The following GLCCI1 variants were observed in gnomAD, a reference collection of about 807,000 sequenced individuals.
GLCCI1 encodes glucocorticoid induced 1, also known as glucocorticoid-induced transcript 1 protein.
A neutral mutation model predicts 52.2 loss-of-function variants in GLCCI1; 24 were observed. The observed-to-expected ratio is 0.46, with a 90% confidence interval of 0.33 to 0.65. GLCCI1 has a LOEUF of 0.65. Among genes scored for constraint, GLCCI1 ranks in the 30% least tolerant of loss-of-function variants. GLCCI1 has a pLI of 0.02. For missense variants in GLCCI1, 704 were observed against 701.5 expected (o/e 1.00, Z -0.04); for synonymous variants, 310 against 276.5 (o/e 1.12, Z -1.20).
chr7:8,012,320 G>C (rs1781280003), intron 2 of GLCCI1, among the ~76,000 whole-genome samples: 1 of 150,976 alleles, frequency 6.6e-6, no homozygotes, highest in Non-Finnish European at 1.5e-5. Flanking sequence ...TTTTTGAATT[G>C]GGTTTTTTGT....
rs1562449924 is a variant in GLCCI1, at chr7:8,070,914, C to CT, written c.967-5dup. ...CATTTGGATGTTTAATGGTATTCCTCTTACAGCCGTTGGACATACCAGATG... is the reference window on the plus strand; with the variant it reads ...CATTTGGATGTTTAATGGTATTCCTCTTTACAGCCGTTGGACATACCAGATG... On this transcript the variant is annotated splice_polypyrimidine_tract_variant and splice_region_variant and intron_variant, in intron 5 of 7. Coordinates refer to ENST00000223145, the MANE Select transcript of GLCCI1 (RefSeq NM_138426.4). 4 of 1,612,258 alleles carry CT rather than the reference C, an allele frequency of 2.5e-6. No individual in the cohort carries two copies. In the South Asian group the frequency reaches 4.4e-5, roughly 18 times the overall value.
chr7:8,087,399 A>G lies in GLCCI1; in HGVS notation c.*861A>G, dbSNP rs894118623. On this transcript the variant is annotated 3_prime_UTR_variant, in exon 8 of 8. Coordinates refer to ENST00000223145, the MANE Select transcript of GLCCI1 (RefSeq NM_138426.4). ...TGTTGCTCAGTAAAGGACTGTGACA[A>G]TGTTGCAAATAAAGTGTTCAGTACT... 9.2e-5 allele frequency: 14 copies of G among 152,660 alleles called. No individual in the cohort carries two copies. The highest frequency in any genetic ancestry group is 8.5e-4 in the Admixed American group (13 of 15,284). 9.5% of individuals were successfully genotyped at this position (152,660 alleles called of 1,614,324 possible).
At chr7:7,973,413 C>CGTGCGT (rs1554257313) in intron 1 of GLCCI1, among the ~76,000 whole-genome samples, 1 of 147,590 alleles carries the variant, frequency 6.8e-6, no homozygotes, top group African/African-American at 2.5e-5. Flanking sequence ...TCTTTGTGTG[C>CGTGCGT]GTGTGTGTGT....
chr7:7,974,780 A>G (rs888071908), intron 1 of GLCCI1, among the ~76,000 whole-genome samples: 2 of 152,136 alleles, frequency 1.3e-5, no homozygotes, highest in Non-Finnish European at 2.9e-5. Flanking sequence ...TCTTAATTTT[A>G]GTTTGGTCTT....
intron 2 of GLCCI1, among the ~76,000 whole-genome samples, chr7:8,021,381 A>C (rs1407336512): frequency 1.3e-5 from 2 of 152,182 alleles, no homozygotes; most frequent in African/African-American, 2.4e-5. Flanking sequence ...AAGTCTTCTC[A>C]TGTATTAAAG....
At chr7:7,981,858 G>T in intron 1 of GLCCI1, 1 of 445,288 alleles carries the variant, frequency 2.2e-6, no homozygotes, top group South Asian at 1.6e-5. Context: ...TGTACTAGAT[G>T]AGCAGGCAGA....
chr7:8,057,208 T>C (rs942303003), intron 4 of GLCCI1, among the ~76,000 whole-genome samples: 7 of 151,900 alleles, frequency 4.6e-5, no homozygotes, highest in Non-Finnish European at 8.8e-5. Context: ...TATCAATCCA[T>C]GAGAAATAAA....
At position 8,059,952 on chromosome 7, in the gene GLCCI1, A is replaced by G. The variant is rs111882475; in HGVS notation, c.814-144A>G. ...TTCTTACTTCAGAACCTAAATTTCT[A>G]TATGTGCACCTGAATTTTATTGTAT... On this transcript the variant is annotated intron_variant, in intron 4 of 7. Coordinates refer to ENST00000223145, the MANE Select transcript of GLCCI1 (RefSeq NM_138426.4). 1.3e-4 allele frequency: 81 copies of G among 631,912 alleles called. 1 individual carries two copies. Among genetic ancestry groups the G allele is most frequent in the African/African-American group, 5.6e-4 (30 of 53,670 alleles). The allele number at this position is 631,912 out of a possible 1,614,324, so 39.1% of individuals were successfully genotyped here. A position where few individuals can be genotyped will look rare whatever the true frequency, so the allele number is the denominator to read the frequency against.
intron 1 of GLCCI1, among the ~76,000 whole-genome samples, chr7:7,986,864 C>A (rs1780744505): frequency 6.6e-6 from 1 of 152,156 alleles, no homozygotes. Flanking sequence ...TCTCCTCACT[C>A]ATTTCTCCCA....
chr7:8,028,363 A>C (rs765888283), intron 3 of GLCCI1, among the ~76,000 whole-genome samples: 1 of 152,198 alleles, frequency 6.6e-6, no homozygotes, highest in African/African-American at 2.4e-5. Flanking sequence ...TAAATGACCA[A>C]TGAGTCAATG....
chr7:7,985,829 A>G (rs537773186), intron 1 of GLCCI1, among the ~76,000 whole-genome samples: 2 of 152,340 alleles, frequency 1.3e-5, no homozygotes, highest in South Asian at 4.1e-4. Flanking sequence ...TTCTTAACAA[A>G]TGTATCAATT....
chr7:7,987,536 T>A (rs1458554190), intron 1 of GLCCI1, among the ~76,000 whole-genome samples: 1 of 152,086 alleles, frequency 6.6e-6, no homozygotes, highest in Non-Finnish European at 1.5e-5. Context: ...TCTATTTCAC[T>A]CTAACAAATT....
At chr7:8,058,836 G>C (rs372547820) in intron 4 of GLCCI1, among the ~76,000 whole-genome samples, 1 of 152,210 alleles carries the variant, frequency 6.6e-6, no homozygotes, top group Middle Eastern at 3.4e-3. Context: ...TACTAACAGC[G>C]TACTGTTGCA....
chr7:8,016,340 G>A (rs1309301658), intron 2 of GLCCI1, among the ~76,000 whole-genome samples: 3 of 151,920 alleles, frequency 2.0e-5, no homozygotes, highest in Non-Finnish European at 4.4e-5. Context: ...GTGGTGGTGG[G>A]CGCCTGTAGT....
chr7:8,017,987 A>C (rs115730880), intron 2 of GLCCI1, among the ~76,000 whole-genome samples: 3,159 of 152,292 alleles, frequency 0.021, 111 homozygotes, highest in African/African-American at 0.071. Context: ...ACAAAAACAA[A>C]TATTTGTAAA....
chr7:8,056,572 A>C (rs1396826529), intron 4 of GLCCI1, among the ~76,000 whole-genome samples: 1 of 152,218 alleles, frequency 6.6e-6, no homozygotes, highest in African/African-American at 2.4e-5. Context: ...AGTGTAACAG[A>C]AGAAACCCAA....
rs71014746 is a variant in GLCCI1, at chr7:8,012,432, C to CT, written c.609+8403dup. Among the ~76,000 whole-genome samples the CT allele has an allele frequency of 4.1e-3, 287 of 70,380 alleles. 27 individuals carry two copies. Among genetic ancestry groups the CT allele is most frequent in the Non-Finnish European group, 6.2e-3 (246 of 39,556 alleles). 46.2% of individuals were successfully genotyped at this position (70,380 alleles called of 152,430 possible). On this transcript the variant is annotated intron_variant, in intron 2 of 7. Transcript: ENST00000223145. Reference sequence around the variant, plus strand: ...CCATTCTGTGGGTTGCCTTTTTATTCTTTTTTTTTTTTTTTTTTTTTTTTT... The same window carrying CT: ...CCATTCTGTGGGTTGCCTTTTTATTCTTTTTTTTTTTTTTTTTTTTTTTTTT...
At chr7:7,979,204 G>A (rs185087484) in intron 1 of GLCCI1, among the ~76,000 whole-genome samples, 9 of 152,134 alleles carry the variant, frequency 5.9e-5, no homozygotes, top group Non-Finnish European at 1.3e-4. Flanking sequence ...GCAATATTTC[G>A]ATCATAGAGC....
chr7:7,986,076 G>C (rs1780722040), intron 1 of GLCCI1, among the ~76,000 whole-genome samples: 1 of 152,030 alleles, frequency 6.6e-6, no homozygotes. Context: ...TGGATATTTT[G>C]CTCATGGTTT....
Sources: gnomAD v4.1 joint callset for allele counts (sites outside exome capture counted in the v4.1 genomes callset) on GRCh38, gnomAD v4.1.1 for gene constraint, MANE v1.5 for transcripts, NCBI Gene and HGNC (gene_info 2026-07-23, HGNC 2026-07-21) for gene names.